RSRC1: variants seen among roughly 807,000 people sequenced by gnomAD.
The protein encoded by RSRC1 is arginine and serine rich coiled-coil 1.
In RSRC1, 39 loss-of-function variants were observed where a neutral mutation model predicts 49.1. The ratio of observed to expected loss-of-function variants is 0.79; its 90% CI spans 0.61 to 1.04. RSRC1 has a LOEUF of 1.04. Ranked by LOEUF, RSRC1 falls within the 50% of genes least tolerant of loss-of-function variation. The pLI is 0.00. For missense variants in RSRC1, 388 were observed against 402.4 expected (o/e 0.96, Z 0.31); for synonymous variants, 143 against 130.8 (o/e 1.09, Z -0.63).
chr3:158,474,615 T>A (rs1738287973), intron 7 of RSRC1, among the ~76,000 whole-genome samples: 1 of 152,134 alleles, frequency 6.6e-6, no homozygotes, highest in Non-Finnish European at 1.5e-5. Context: ...ATCGTAGAAC[T>A]TCTTCTTTCA....
intron 5 of RSRC1, among the ~76,000 whole-genome samples, chr3:158,314,631 T>G (rs1387313548): frequency 6.6e-6 from 1 of 152,124 alleles, no homozygotes; most frequent in Non-Finnish European, 1.5e-5. Context: ...GTCATGAGGG[T>G]AGGCCACCAA....
chr3:158,336,595 G>A (rs1035373647), intron 5 of RSRC1: 2 of 152,116 alleles, frequency 1.3e-5, no homozygotes, highest in Non-Finnish European at 2.9e-5. Context: ...GGTTCTTGGT[G>A]GTGTGAAATC....
intron 7 of RSRC1, among the ~76,000 whole-genome samples, chr3:158,500,479 C>A (rs1209340238): frequency 1.3e-5 from 2 of 151,938 alleles, no homozygotes; most frequent in African/African-American, 4.8e-5. Context: ...TCTGCTGAGT[C>A]CTTCTGGTCC....
chr3:158,293,115 C>T (rs1727031707), intron 4 of RSRC1, among the ~76,000 whole-genome samples: 2 of 152,114 alleles, frequency 1.3e-5, no homozygotes, highest in South Asian at 2.1e-4. Flanking sequence ...CTTGCTTAAA[C>T]TTAGGTGTCC....
At chr3:158,413,344 T>G (rs1282735726) in intron 6 of RSRC1, among the ~76,000 whole-genome samples, 1 of 152,142 alleles carries the variant, frequency 6.6e-6, no homozygotes, top group Non-Finnish European at 1.5e-5. Context: ...TAACTCAAGA[T>G]GGATTGAAGA....
At chr3:158,146,030 C>A (rs1434490177) in intron 3 of RSRC1, among the ~76,000 whole-genome samples, 1 of 152,152 alleles carries the variant, frequency 6.6e-6, no homozygotes, top group Non-Finnish European at 1.5e-5. Flanking sequence ...AGATTTTGGG[C>A]TGAGATGATG....
intron 3 of RSRC1, among the ~76,000 whole-genome samples, chr3:158,142,760 T>C (rs11924202): frequency 0.01 from 1,328 of 129,146 alleles, 20 homozygotes; most frequent in Non-Finnish European, 0.012. Flanking sequence ...TGATGACCCA[T>C]ACACCTCCCA....
intron 4 of RSRC1, among the ~76,000 whole-genome samples, chr3:158,296,899 G>A (rs1163118299): frequency 6.6e-6 from 1 of 151,974 alleles, no homozygotes; most frequent in Admixed American, 6.6e-5. Context: ...GAAGCCATGA[G>A]TACAGTTTTC....
intron 5 of RSRC1, among the ~76,000 whole-genome samples, chr3:158,352,965 T>G (rs536217537): frequency 1.5e-3 from 222 of 152,356 alleles, no homozygotes; most frequent in Non-Finnish European, 2.7e-3. Context: ...TTTGCTTTGA[T>G]ATTTTAATTT....
At chr3:158,162,738 A>C (rs1465256562) in intron 3 of RSRC1, among the ~76,000 whole-genome samples, 1 of 152,164 alleles carries the variant, frequency 6.6e-6, no homozygotes, top group Non-Finnish European at 1.5e-5. Flanking sequence ...TTGTTTTGCT[A>C]TTAGTCAGGT....
intron 4 of RSRC1, among the ~76,000 whole-genome samples, chr3:158,240,919 A>G (rs1405491359): frequency 6.6e-6 from 1 of 152,184 alleles, no homozygotes; most frequent in East Asian, 1.9e-4. Context: ...ATATTTTGAG[A>G]GTGAGAAAAA....
At chr3:158,267,683 A>C (rs1450976349) in intron 4 of RSRC1, among the ~76,000 whole-genome samples, 2 of 151,764 alleles carry the variant, frequency 1.3e-5, no homozygotes, top group Non-Finnish European at 2.9e-5. Flanking sequence ...TTCTTTTTGA[A>C]AAAATATAGT....
chr3:158,198,555 T>A (rs532280556), intron 3 of RSRC1, among the ~76,000 whole-genome samples: 14 of 152,286 alleles, frequency 9.2e-5, no homozygotes, highest in African/African-American at 2.6e-4. Flanking sequence ...GTTATTTTGC[T>A]CGTTAGTTGA....
intron 4 of RSRC1, among the ~76,000 whole-genome samples, chr3:158,273,650 G>A (rs1185501962): frequency 6.6e-6 from 1 of 152,096 alleles, no homozygotes; most frequent in East Asian, 1.9e-4. Context: ...TTATGAAAAT[G>A]TCAGTGTGTT....
chr3:158,370,159 C>G (rs1731988367), intron 6 of RSRC1, among the ~76,000 whole-genome samples: 2 of 151,770 alleles, frequency 1.3e-5, no homozygotes, highest in South Asian at 4.2e-4. Context: ...TTGGTATTGT[C>G]TCTGGATAGT....
At chr3:158,197,895 G>A (rs1720740235) in intron 3 of RSRC1, among the ~76,000 whole-genome samples, 2 of 152,130 alleles carry the variant, frequency 1.3e-5, no homozygotes, top group Non-Finnish European at 2.9e-5. Context: ...ATTTGCTGAG[G>A]AGAGCTTTAT....
chr3:158,378,455 T>A (rs1258876434), intron 6 of RSRC1, among the ~76,000 whole-genome samples: 2 of 152,256 alleles, frequency 1.3e-5, no homozygotes, highest in Non-Finnish European at 2.9e-5. Context: ...TGGTTGTGAA[T>A]ACTCTGCATT....
At chr3:158,189,618 A>G (rs961457136) in intron 3 of RSRC1, among the ~76,000 whole-genome samples, 14 of 151,732 alleles carry the variant, frequency 9.2e-5, no homozygotes, top group Non-Finnish European at 1.8e-4. Flanking sequence ...CTCTGCCTTT[A>G]CTTTGAACAC....
At chr3:158,533,448 A>G (rs972182468) in intron 7 of RSRC1, among the ~76,000 whole-genome samples, 1 of 151,644 alleles carries the variant, frequency 6.6e-6, no homozygotes. Context: ...CTATTTTGTT[A>G]AGCATTGGTT....
Sources: allele counts gnomAD v4.1 joint callset (sites outside exome capture counted in the v4.1 genomes callset), GRCh38; gene constraint gnomAD v4.1.1; transcripts MANE v1.5; gene names NCBI Gene and HGNC (gene_info 2026-07-23, HGNC 2026-07-21).